The following UGT1A5 variants were observed in gnomAD, a reference collection of about 807,000 sequenced individuals.
The protein encoded by UGT1A5 is UDP glucuronosyltransferase family 1 member A5.
In UGT1A5, 29 loss-of-function variants were observed where a neutral mutation model predicts 40.3. The observed-to-expected ratio is 0.72, with a 90% CI of 0.54 to 0.98. The LOEUF (loss-of-function observed/expected upper bound fraction) is 0.98, where lower values mean the gene tolerates loss of function less well. UGT1A5 is among the 50% of genes least tolerant of loss of function. UGT1A5 has a pLI of 0.00. For missense variants in UGT1A5, 678 were observed against 677.9 expected, an observed-to-expected ratio of 1.00 and a Z score of 0.00; for synonymous variants, 257 against 262.5, an observed-to-expected ratio of 0.98 and a Z score of 0.20.
At chr2:233,754,376 G>C (rs1425062905) in intron 1 of UGT1A5, 2 of 288,414 alleles carry the variant, frequency 6.9e-6, no homozygotes, top group African/African-American at 2.2e-5. Context: ...ATGATCGAAA[G>C]ACAAACAGAG....
At chr2:233,760,969 TC>T in intron 1 of UGT1A5, 1 of 1,614,196 alleles carries the variant, frequency 6.2e-7, no homozygotes, top group Admixed American at 1.7e-5. Context: ...CGTGGTTTAT[TC>T]CCCGTATGCA....
Position 233,769,430 on chromosome 2 carries a change from C to A in UGT1A5, c.1307+991C>A. On this transcript the variant is annotated intron_variant, in intron 4 of 4. Transcript: ENST00000373414. This position sits in a 1 kb window ranked among gnomAD's most constrained non-coding sequence, Gnocchi z 4.4. ...GTGTGCGTTTGTGCATGTGGCTGTG[C>A]TCATGTGTGGGTGCACACGTGTGCA... 1 of 1,537,408 alleles carries A rather than the reference C, an allele frequency of 6.5e-7. No individual in the cohort carries two copies. Among genetic ancestry groups the A allele is most frequent in the Non-Finnish European group, 8.9e-7 (1 of 1,118,580 alleles).
Position 233,772,318 on chromosome 2 carries a change from C to G in UGT1A5, c.1364C>G (p.Pro455Arg). The change falls in exon 5 of 5, where the codon CCG (proline) becomes CGG (arginine). Residue 455 changes from proline to arginine, a missense_variant. Physicochemically the swap from Pro to Arg is moderately radical, Grantham distance 103. Coordinates refer to ENST00000373414, the MANE Select transcript of UGT1A5 (RefSeq NM_019078.2). ...CTTCACAAGGACCGCCCGGTGGAGC[C>G]GCTGGACCTGGCCGTGTTCTGGGTG... The part of the protein sequence containing the change: ...SSLHKDRPVE[P>R]LDLAVFWVEF... 1 of 1,614,230 alleles carries G rather than the reference C, an allele frequency of 6.2e-7. No individual in the cohort carries two copies.
intron 1 of UGT1A5, among the ~76,000 whole-genome samples, chr2:233,724,736 C>A (rs1232972283): frequency 7.0e-6 from 1 of 142,768 alleles, no homozygotes; most frequent in African/African-American, 2.6e-5. Flanking sequence ...GGCAGAGGGG[C>A]TCCTCACATC....
chr2:233,746,343 T>C (rs754584416), intron 1 of UGT1A5, among the ~76,000 whole-genome samples: 11 of 151,756 alleles, frequency 7.2e-5, no homozygotes, highest in Non-Finnish European at 1.6e-4. Context: ...TGGACATGTT[T>C]ATGTTGCTCC....
At chr2:233,721,228 G>A (rs2076928713) in intron 1 of UGT1A5, among the ~76,000 whole-genome samples, 1 of 152,140 alleles carries the variant, frequency 6.6e-6, no homozygotes, top group Non-Finnish European at 1.5e-5. Context: ...ATGCAATGTA[G>A]TTACTGAATT....
chr2:233,772,356 A>C lies in UGT1A5; in HGVS notation c.1402A>C (p.Arg468=), dbSNP rs1468738748. 6.2e-7 allele frequency: 1 copy of C among 1,614,222 alleles called. No homozygotes were observed. Among genetic ancestry groups the C allele is most frequent in the Non-Finnish European group, 8.5e-7 (1 of 1,180,034 alleles). The change falls in exon 5 of 5, where the codon AGG becomes CGG. Residue 468 remains arginine, a synonymous_variant. Transcript: ENST00000373414. ...LAVFWVEFVM[R]HKGAPHLRPA... is the part of the protein sequence containing the mutation. ...CGTGTTCTGGGTGGAGTTTGTGATGAGGCACAAGGGCGCGCCACACCTGCG... is the reference window on the plus strand; with the variant it reads ...CGTGTTCTGGGTGGAGTTTGTGATGCGGCACAAGGGCGCGCCACACCTGCG...
At chr2:233,730,118 T>C in intron 1 of UGT1A5, 5 of 1,555,912 alleles carry the variant, frequency 3.2e-6, no homozygotes, top group Non-Finnish European at 4.3e-6. Context: ...CTTCTCCTTG[T>C]CATAATAGCC....
At chr2:233,743,972 A>G in intron 1 of UGT1A5, 2 of 1,321,206 alleles carry the variant, frequency 1.5e-6, no homozygotes, top group African/African-American at 1.5e-5. Flanking sequence ...CAAGGCTGCC[A>G]GCACCCAGGC....
In UGT1A5 at chr2:233,739,739, C is replaced by T. The variant is rs186719753; in HGVS notation, c.867+25881C>T. 9.1e-3 allele frequency among the ~76,000 whole-genome samples: 1,388 copies of T among 152,094 alleles called. 31 individuals carry two copies. Among genetic ancestry groups the T allele is most frequent in the African/African-American group, 0.032 (1,304 of 41,394 alleles). ...GGACTTGACTTGTCTCAGATGAGAC[C>T]TTGGACTATGGACTTTTGAGCTAGT... On this transcript the variant is annotated intron_variant, in intron 1 of 4. Coordinates refer to ENST00000373414, the MANE Select transcript of UGT1A5 (RefSeq NM_019078.2).
At chr2:233,749,544 A>G (rs1407004260) in intron 1 of UGT1A5, among the ~76,000 whole-genome samples, 1 of 151,906 alleles carries the variant, frequency 6.6e-6, no homozygotes, top group Non-Finnish European at 1.5e-5. Context: ...GTGGTAAAGA[A>G]CAGGCTAATG....
intron 1 of UGT1A5, among the ~76,000 whole-genome samples, chr2:233,764,460 T>C (rs1698566935): frequency 6.6e-6 from 1 of 152,182 alleles, no homozygotes; most frequent in East Asian, 1.9e-4. Flanking sequence ...ACTTTCGTGA[T>C]CTCCTGCTAT....
intron 1 of UGT1A5, chr2:233,719,830 G>T: frequency 6.5e-7 from 1 of 1,548,976 alleles, no homozygotes; most frequent in Non-Finnish European, 8.7e-7. Context: ...CTGTTGAGGG[G>T]CCTAGTGTAT....
intron 1 of UGT1A5, among the ~76,000 whole-genome samples, chr2:233,766,324 C>T (rs1363274147): frequency 2.0e-5 from 3 of 152,132 alleles, no homozygotes; most frequent in East Asian, 1.9e-4. Context: ...AGCCAAACTC[C>T]GCGTTGTTCT....
At position 233,772,966 on chromosome 2, in the gene UGT1A5, C is replaced by T; in HGVS notation, c.*407C>T. ...CTTCTGCAGATGGTTGCAATTGATCCTTAACCAATAATGGTCAGTCCTCAT... is the reference window on the plus strand; with the variant it reads ...CTTCTGCAGATGGTTGCAATTGATCTTTAACCAATAATGGTCAGTCCTCAT... On this transcript the variant is annotated 3_prime_UTR_variant, in exon 5 of 5. Transcript: ENST00000373414. 1 of 310,570 alleles carries T rather than the reference C, an allele frequency of 3.2e-6. No homozygotes were observed. The highest frequency in any genetic ancestry group is 3.3e-5 in the South Asian group (1 of 30,476). The allele number at this position is 310,570 out of a possible 1,614,324, so 19.2% of individuals were successfully genotyped here.
At chr2:233,730,491 G>C (rs1414931155) in intron 1 of UGT1A5, among the ~76,000 whole-genome samples, 4 of 152,196 alleles carry the variant, frequency 2.6e-5, no homozygotes, top group African/African-American at 9.6e-5. Context: ...TGAAATAGAA[G>C]TGTCAGAGAG....
chr2:233,718,525 G>A (rs1278661591), intron 1 of UGT1A5, among the ~76,000 whole-genome samples: 2 of 152,236 alleles, frequency 1.3e-5, no homozygotes, highest in East Asian at 3.8e-4. Flanking sequence ...GGTGTCCACA[G>A]CCTTGTGTTG....
chr2:233,759,311 G>A (rs1276961284), intron 1 of UGT1A5, among the ~76,000 whole-genome samples: 2 of 152,170 alleles, frequency 1.3e-5, no homozygotes, highest in African/African-American at 2.4e-5. Context: ...TGGCTGAGGT[G>A]GGTGAGCTTT....
chr2:233,719,375 A>G, intron 1 of UGT1A5: 1 of 1,613,982 alleles, frequency 6.2e-7, no homozygotes, highest in Non-Finnish European at 8.5e-7. Context: ...TTAAGGGCAC[A>G]CAGTGTCCAA....
Sources: gnomAD v4.1 joint callset for allele counts (sites outside exome capture counted in the v4.1 genomes callset) on GRCh38, gnomAD v4.1.1 for gene constraint, Gnocchi (gnomAD v3.1) non-coding constraint, MANE v1.5 for transcripts, NCBI Gene and HGNC (gene_info 2026-07-23, HGNC 2026-07-21) for gene names.